The following PKHD1 variants were observed in gnomAD, a reference collection of about 807,000 sequenced individuals.
PKHD1 encodes the protein fibrocystin.
In PKHD1, 291 loss-of-function variants were observed where a neutral mutation model predicts 412.0. The ratio of observed to expected loss-of-function variants is 0.71; its 90% CI spans 0.64 to 0.78. PKHD1 has a LOEUF of 0.78. Among genes scored for constraint, PKHD1 ranks in the 30% least tolerant of loss-of-function variants. The pLI is 0.00. For synonymous variants in PKHD1, 1,777 were observed against 1,821.5 expected, an observed-to-expected ratio of 0.98 and a Z score of 0.62; for missense variants, 4,825 against 4,950.7, an observed-to-expected ratio of 0.97 and a Z score of 0.76.
At chr6:51,992,908 A>G (rs1161508988) in intron 35 of PKHD1, among the ~76,000 whole-genome samples, 1 of 152,232 alleles carries the variant, frequency 6.6e-6, no homozygotes, top group African/African-American at 2.4e-5. Context: ...TCCTGGTTCA[A>G]ACCTTCAGTC....
At chr6:51,934,459 T>C (rs1477284634) in intron 36 of PKHD1, 137 bp from the exon 37 acceptor site, 3 of 705,422 alleles carry the variant, frequency 4.3e-6, no homozygotes, top group Non-Finnish European at 7.7e-6. Context: ...CTCTCTCTTG[T>C]AGAAGCACAG....
At chr6:51,955,492 A>G (rs1350279797) in intron 36 of PKHD1, among the ~76,000 whole-genome samples, 1 of 152,088 alleles carries the variant, frequency 6.6e-6, no homozygotes, top group Admixed American at 6.6e-5. Context: ...TCTATTTTAT[A>G]GATGAAAATA....
chr6:51,966,732 T>C (rs1244806562), intron 35 of PKHD1, among the ~76,000 whole-genome samples: 1 of 152,030 alleles, frequency 6.6e-6, no homozygotes, highest in African/African-American at 2.4e-5. Context: ...CAAAACAAAT[T>C]CCTGACCTCA....
intron 52 of PKHD1, among the ~76,000 whole-genome samples, chr6:51,813,750 A>G (rs1765039736): frequency 6.6e-6 from 1 of 152,232 alleles, no homozygotes; most frequent in South Asian, 2.1e-4. Flanking sequence ...ATATCGGAAT[A>G]GTAGAGCTTA....
At chr6:51,929,018 C>T (rs1786157066) in intron 37 of PKHD1, among the ~76,000 whole-genome samples, 1 of 152,054 alleles carries the variant, frequency 6.6e-6, no homozygotes, top group African/African-American at 2.4e-5. Context: ...TTGTATCTAG[C>T]TCAAGGGAAC....
intron 35 of PKHD1, among the ~76,000 whole-genome samples, chr6:51,991,122 T>C (rs1796992646): frequency 6.6e-6 from 1 of 152,100 alleles, no homozygotes; most frequent in Non-Finnish European, 1.5e-5. Context: ...ACAAAACTCA[T>C]CTTTACTGCC....
intron 60 of PKHD1, among the ~76,000 whole-genome samples, chr6:51,703,337 A>G (rs149864139): frequency 8.1e-4 from 123 of 152,058 alleles, no homozygotes; most frequent in African/African-American, 2.7e-3. Flanking sequence ...TTGAATCAGA[A>G]GGGACTGTGA....
chr6:51,674,845 A>G (rs747464611), intron 60 of PKHD1, among the ~76,000 whole-genome samples: 1 of 152,182 alleles, frequency 6.6e-6, no homozygotes, highest in African/African-American at 2.4e-5. Flanking sequence ...TTAATATTTT[A>G]TCATACTATC....
At chr6:51,717,631 C>T (rs1404416998) in intron 60 of PKHD1, among the ~76,000 whole-genome samples, 1 of 152,110 alleles carries the variant, frequency 6.6e-6, no homozygotes, top group Admixed American at 6.6e-5. Context: ...GCAGGCTGCA[C>T]CATCTAGGTT....
At chr6:51,932,931 A>C (rs1001610873) in intron 37 of PKHD1, among the ~76,000 whole-genome samples, 1 of 152,196 alleles carries the variant, frequency 6.6e-6, no homozygotes, top group African/African-American at 2.4e-5. Context: ...ATAAAGAAAA[A>C]TGGCAGATTC....
At chr6:51,796,735 T>A (rs1169884249) in intron 52 of PKHD1, among the ~76,000 whole-genome samples, 8 of 152,180 alleles carry the variant, frequency 5.3e-5, no homozygotes, top group Non-Finnish European at 1.0e-4. Context: ...CTTTGATTTC[T>A]GCCTTAATTT....
At chr6:51,638,783 G>C (rs1298027597) in intron 64 of PKHD1, 66 bp downstream of exon 64, 2 of 925,472 alleles carry the variant, frequency 2.2e-6, no homozygotes, top group African/African-American at 4.2e-5. Flanking sequence ...CTATAAGGGA[G>C]AAAGGATTAT....
intron 33 of PKHD1, among the ~76,000 whole-genome samples, chr6:52,022,076 T>A (rs190054100): frequency 2.0e-5 from 3 of 152,288 alleles, no homozygotes; most frequent in Non-Finnish European, 4.4e-5. Context: ...ATAACAGTAA[T>A]TTCTTCCTTT....
chr6:52,081,508 G>A (rs1812021216), intron 4 of PKHD1, among the ~76,000 whole-genome samples: 1 of 152,000 alleles, frequency 6.6e-6, no homozygotes, highest in Non-Finnish European at 1.5e-5. Flanking sequence ...TGAAAACTCA[G>A]AGCTGAGGCA....
At chr6:51,801,623 C>G (rs962543741) in intron 52 of PKHD1, among the ~76,000 whole-genome samples, 2 of 54,366 alleles carry the variant, frequency 3.7e-5, no homozygotes, top group Admixed American at 4.5e-4. Context: ...TGAAGAAAAA[C>G]CATCTGCTGG....
chr6:51,929,462 C>T (rs1005268172), intron 37 of PKHD1, among the ~76,000 whole-genome samples: 1 of 152,012 alleles, frequency 6.6e-6, no homozygotes, highest in Non-Finnish European at 1.5e-5. Context: ...TATTACTTGA[C>T]CTCCAATATT....
intron 43 of PKHD1, among the ~76,000 whole-genome samples, chr6:51,891,496 C>T (rs1228592800): frequency 1.3e-5 from 2 of 152,014 alleles, no homozygotes; most frequent in African/African-American, 4.8e-5. Context: ...TCAAGCTGGT[C>T]TCAAACTCCC....
intron 54 of PKHD1, 62 bp from the exon 55 acceptor site, chr6:51,772,851 AG>A (rs1790386763): frequency 1.1e-6 from 1 of 908,752 alleles, no homozygotes; most frequent in South Asian, 1.3e-5. Flanking sequence ...AAGCCAGGTA[AG>A]TAAAAGTCAT....
chr6:52,054,108 T>G lies in PKHD1; in HGVS notation c.1894A>C (p.Thr632Pro). Reference protein sequence around the residue: ...NKILKMIVSFTIGFQNMVKNT... With the variant: ...NKILKMIVSFPIGFQNMVKNT... ...TTTACCATGTTTTGAAAGCCGATTGTGAAGGACACAATCATCTTCAGGATC... is the reference window on the plus strand; with the variant it reads ...TTTACCATGTTTTGAAAGCCGATTGGGAAGGACACAATCATCTTCAGGATC... Residue 632 changes from threonine (T) to proline (P), a missense_variant, in exon 20 of 67, where the codon ACA becomes CCA. Physicochemically the swap from Thr to Pro is conservative, Grantham distance 38. Coordinates refer to ENST00000371117, the MANE Select transcript of PKHD1 (RefSeq NM_138694.4). 6.2e-7 allele frequency: 1 copy of G among 1,613,944 alleles called. No individual in the cohort carries two copies. Among genetic ancestry groups the G allele is most frequent in the Non-Finnish European group, 8.5e-7 (1 of 1,179,818 alleles).
Sources: gnomAD v4.1 joint callset for allele counts (sites outside exome capture counted in the v4.1 genomes callset) on GRCh38, gnomAD v4.1.1 for gene constraint, MANE v1.5 for transcripts, NCBI Gene and HGNC (gene_info 2026-07-23, HGNC 2026-07-21) for gene names.